ZDHHC11B: variants seen among roughly 807,000 people sequenced by gnomAD.
ZDHHC11B encodes probable palmitoyltransferase ZDHHC11B.
A neutral mutation model predicts 42.3 loss-of-function variants in ZDHHC11B; 17 were observed. The observed-to-expected ratio is 0.40, with a 90% CI of 0.27 to 0.60. The LOEUF (loss-of-function observed/expected upper bound fraction) is 0.60, where lower values mean the gene tolerates loss of function less well. ZDHHC11B is among the 20% of genes least tolerant of loss of function. ZDHHC11B has a pLI of 0.41. For missense variants in ZDHHC11B, 262 were observed against 463.2 expected (o/e 0.57, Z 3.99); for synonymous variants, 123 against 193.5 (o/e 0.64, Z 3.02).
intron 1 of ZDHHC11B, among the ~76,000 whole-genome samples, chr5:777,376 G>A (rs754985107): frequency 2.0e-5 from 3 of 151,814 alleles, no homozygotes; most frequent in Non-Finnish European, 2.9e-5. Context: ...CGCTCCCTCC[G>A]GTGGGCTCGT....
At chr5:770,313 C>T (rs372024676) in intron 1 of ZDHHC11B, among the ~76,000 whole-genome samples, 2,348 of 145,520 alleles carry the variant, frequency 0.016, 3 homozygotes, top group African/African-American at 0.06. Context: ...TGTCCAGCCC[C>T]GGGCAGAGTG....
intron 1 of ZDHHC11B, among the ~76,000 whole-genome samples, chr5:771,631 A>G (rs563302247): frequency 5.3e-5 from 8 of 151,738 alleles, no homozygotes; most frequent in Non-Finnish European, 1.0e-4. Flanking sequence ...GGAGCTTCTC[A>G]CAGGCCTGGC....
At chr5:724,476 C>T (rs1247672252) in intron 12 of ZDHHC11B, among the ~76,000 whole-genome samples, 4 of 140,336 alleles carry the variant, frequency 2.9e-5, no homozygotes, top group East Asian at 4.6e-4. Flanking sequence ...CCTGGGTTCA[C>T]GCCATTCTCC....
intron 1 of ZDHHC11B, among the ~76,000 whole-genome samples, chr5:776,082 T>C (rs1183303826): frequency 2.0e-5 from 3 of 150,244 alleles, no homozygotes; most frequent in African/African-American, 7.4e-5. Flanking sequence ...GCCCAAGTCC[T>C]GTCCAGGGGG....
At chr5:728,858 C>T (rs1742789019) in intron 12 of ZDHHC11B, among the ~76,000 whole-genome samples, 1 of 151,752 alleles carries the variant, frequency 6.6e-6, no homozygotes. Flanking sequence ...CCCATCTCTA[C>T]AAAAGTTGGC....
At chr5:713,909 C>A (rs1261289896) in intron 13 of ZDHHC11B, among the ~76,000 whole-genome samples, 3 of 124,474 alleles carry the variant, frequency 2.4e-5, no homozygotes, top group Non-Finnish European at 5.5e-5. Flanking sequence ...TTGATCTGCC[C>A]TTTGTACCTC....
chr5:724,688 C>G (rs201047640), intron 12 of ZDHHC11B, among the ~76,000 whole-genome samples: 1 of 145,688 alleles, frequency 6.9e-6, no homozygotes, highest in Non-Finnish European at 1.5e-5. Flanking sequence ...CACACACACA[C>G]AGACACACAG....
chr5:732,693 T>C lies in ZDHHC11B; in HGVS notation c.1023+1059A>G, dbSNP rs554699992. 517 of 440,598 alleles carry C rather than the reference T, an allele frequency of 1.2e-3. 14 individuals carry two copies. Among genetic ancestry groups the C allele is most frequent in the South Asian group, 8.1e-3 (498 of 61,738 alleles). The allele number at this position is 440,598 out of a possible 1,614,324, so 27.3% of individuals were successfully genotyped here. On this transcript the variant is annotated intron_variant, in intron 11 of 13. Coordinates refer to ENST00000508859, the MANE Select transcript of ZDHHC11B (RefSeq NM_001351303.2). ...CCCCCACAGGGAAGGACAAGTCACC[T>C]GTAACCTCCAGAAACTGGCCCCCTC...
At chr5:770,804 C>A (rs1735960983) in intron 1 of ZDHHC11B, among the ~76,000 whole-genome samples, 1 of 151,956 alleles carries the variant, frequency 6.6e-6, no homozygotes, top group African/African-American at 2.4e-5. Context: ...GCACCGGTGT[C>A]AGGGTGCAGG....
At chr5:761,880 C>A (rs1213702965) in intron 4 of ZDHHC11B, among the ~76,000 whole-genome samples, 1 of 151,964 alleles carries the variant, frequency 6.6e-6, no homozygotes, top group Non-Finnish European at 1.5e-5. Context: ...CCCCTAGCCC[C>A]AGACAGCCAC....
chr5:765,883 A>T lies in ZDHHC11B; in HGVS notation c.222+815T>A, dbSNP rs148438185. Among the ~76,000 whole-genome samples the T allele has an allele frequency of 4.3e-4, 66 of 152,052 alleles. 1 individual carries two copies. In the East Asian group the frequency reaches 0.011, roughly 25 times the overall value. On this transcript the variant is annotated intron_variant, in intron 4 of 13. Transcript: ENST00000508859. Reference sequence around the variant, plus strand: ...CTTCATTCTTGAAGTTGGTGAGACCAAGAACCCACCAGTTCCGGACACAGT... The same window carrying T: ...CTTCATTCTTGAAGTTGGTGAGACCTAGAACCCACCAGTTCCGGACACAGT...
chr5:784,217 CTTCAT>C (rs2150253771), intron 1 of ZDHHC11B, among the ~76,000 whole-genome samples: 1 of 151,682 alleles, frequency 6.6e-6, no homozygotes, highest in East Asian at 1.9e-4. Flanking sequence ...CGGGCAGTGG[CTTCAT>C]TCCAGCCCTC....
At chr5:737,000 C>A (rs1201776850) in intron 10 of ZDHHC11B, among the ~76,000 whole-genome samples, 1 of 144,616 alleles carries the variant, frequency 6.9e-6, no homozygotes, top group Non-Finnish European at 1.5e-5. Context: ...AACAAAAAAA[C>A]AAAAAAACCA....
chr5:756,497 A>G (rs11134229), intron 4 of ZDHHC11B, among the ~76,000 whole-genome samples: 9,176 of 146,584 alleles, frequency 0.063, 175 homozygotes, highest in African/African-American at 0.16. Flanking sequence ...GGCTGCCCCC[A>G]TGCCCCTTTT....
chr5:727,855 G>T (rs1282768157), intron 12 of ZDHHC11B, among the ~76,000 whole-genome samples: 4 of 151,514 alleles, frequency 2.6e-5, no homozygotes, highest in African/African-American at 2.4e-5. Flanking sequence ...TCAGCAAAGA[G>T]TTCTGGATGA....
chr5:733,861 G>A (rs774349603), intron 10 of ZDHHC11B, 22 bp from the exon 11 acceptor site: 18 of 1,593,346 alleles, frequency 1.1e-5, no homozygotes, highest in Admixed American at 1.7e-5. Context: ...GGAAGGAGGA[G>A]AGAAACTCAT....
At chr5:731,860 T>C (rs1743040977) in intron 11 of ZDHHC11B, 1 of 152,100 alleles carries the variant, frequency 6.6e-6, no homozygotes, top group Admixed American at 6.6e-5. Flanking sequence ...TGTGCACTGC[T>C]TTCTAGGTGG....
chr5:754,388 G>GCGCC (rs1746283802), intron 6 of ZDHHC11B, among the ~76,000 whole-genome samples: 2 of 122,464 alleles, frequency 1.6e-5, no homozygotes, highest in Non-Finnish European at 3.5e-5. Flanking sequence ...TCTCATCCTT[G>GCGCC]TGCCTCCACC....
At chr5:745,514 G>A (rs1163713971) in intron 8 of ZDHHC11B, among the ~76,000 whole-genome samples, 1 of 149,974 alleles carries the variant, frequency 6.7e-6, no homozygotes, top group Non-Finnish European at 1.5e-5. Context: ...GGAGGGGTCT[G>A]CAGCTGCGAC....
Sources: gnomAD v4.1 joint callset for allele counts (sites outside exome capture counted in the v4.1 genomes callset) on GRCh38, gnomAD v4.1.1 for gene constraint, MANE v1.5 for transcripts, NCBI Gene and HGNC (gene_info 2026-07-23, HGNC 2026-07-21) for gene names.